The following RASSF3 variants were observed in gnomAD, a reference collection of about 807,000 sequenced individuals.
The protein encoded by RASSF3 is Ras association domain family member 3, also known as ras association domain-containing protein 3.
Under a neutral mutation model 19.9 loss-of-function variants are expected in RASSF3, and 19 were observed. That is an observed-to-expected ratio of 0.96 (90% CI 0.67 to 1.40). RASSF3 has a LOEUF of 1.40. Among genes scored for constraint, RASSF3 ranks in the 40% most tolerant of loss-of-function variants. The pLI is 0.00. For missense variants in RASSF3, 306 were observed against 289.8 expected, an observed-to-expected ratio of 1.06 and a Z score of -0.41; for synonymous variants, 110 against 104.2, an observed-to-expected ratio of 1.06 and a Z score of -0.34.
intron 1 of RASSF3, among the ~76,000 whole-genome samples, chr12:64,676,467 C>CTTTTTTTTTTTTTTTTTTTTTTT (rs34917109): frequency 1.4e-5 from 1 of 69,772 alleles, no homozygotes; most frequent in Non-Finnish European, 2.6e-5. Context: ...CTGTGCCCAG[C>CTTTTTTTTTTTTTTTTTTTTTTT]TTTTTTTTTT....
At chr12:64,516,114 T>C (rs183970382) in intron 1 of RASSF3, among the ~76,000 whole-genome samples, 23 of 152,344 alleles carry the variant, frequency 1.5e-4, no homozygotes, top group African/African-American at 5.5e-4. Context: ...TTTTTAATCT[T>C]AGTAAATAGA....
chr12:64,512,759 G>A (rs1868336418), intron 1 of RASSF3, among the ~76,000 whole-genome samples: 1 of 152,172 alleles, frequency 6.6e-6, no homozygotes. Context: ...AGACAGTCTA[G>A]CCCCTTTTAT....
downstream of RASSF3, among the ~76,000 whole-genome samples, chr12:64,543,601 C>T (rs1004847496): frequency 6.9e-6 from 1 of 145,234 alleles, no homozygotes; most frequent in African/African-American, 2.5e-5. Flanking sequence ...TTCCATGGCA[C>T]CCGGTCCCAT....
At chr12:64,672,463 T>C (rs1398398399) in intron 1 of RASSF3, among the ~76,000 whole-genome samples, 1 of 152,168 alleles carries the variant, frequency 6.6e-6, no homozygotes, top group African/African-American at 2.4e-5. Flanking sequence ...TAACCTCAGA[T>C]GTTCCACCCA....
intron 1 of RASSF3, among the ~76,000 whole-genome samples, chr12:64,657,660 C>T (rs548740860): frequency 3.9e-5 from 6 of 152,210 alleles, no homozygotes; most frequent in South Asian, 4.1e-4. Context: ...ACCAGTCACC[C>T]ATGGAGCATC....
At chr12:64,544,617 C>CAAA (rs11311480), downstream of RASSF3, among the ~76,000 whole-genome samples, 1 of 142,086 alleles carries the variant, frequency 7.0e-6, no homozygotes, top group Non-Finnish European at 1.5e-5. Flanking sequence ...GACCCTGTCT[C>CAAA]AAAAAAAAAA....
intron 1 of RASSF3, among the ~76,000 whole-genome samples, chr12:64,646,647 C>T (rs1486307937): frequency 6.6e-6 from 1 of 152,186 alleles, no homozygotes; most frequent in Non-Finnish European, 1.5e-5. Context: ...TGTTCTTCTT[C>T]TCCCCTCTTA....
chr12:64,677,210 C>G (rs903143202), intron 1 of RASSF3, among the ~76,000 whole-genome samples: 23 of 152,178 alleles, frequency 1.5e-4, no homozygotes, highest in Admixed American at 3.9e-4. Flanking sequence ...AAATTCAGTT[C>G]TCATTTCCAG....
At chr12:64,673,341 T>C (rs1349193434) in intron 1 of RASSF3, among the ~76,000 whole-genome samples, 1 of 152,236 alleles carries the variant, frequency 6.6e-6, no homozygotes, top group African/African-American at 2.4e-5. Context: ...TCCTGGCTTC[T>C]TGGCAATCGT....
At chr12:64,619,360 A>C (rs1325645812) in intron 1 of RASSF3, among the ~76,000 whole-genome samples, 1 of 151,848 alleles carries the variant, frequency 6.6e-6, no homozygotes, top group Non-Finnish European at 1.5e-5. Flanking sequence ...CAATAAGATA[A>C]AACTGACCTA....
intron 1 of RASSF3, chr12:64,611,663 A>G (rs916474072): frequency 2.0e-5 from 3 of 152,240 alleles, no homozygotes; most frequent in Admixed American, 6.5e-5. Context: ...TAATGGCACA[A>G]ATTTGTTGCT....
intron 2 of RASSF3, among the ~76,000 whole-genome samples, chr12:64,593,815 C>T (rs1869959132): frequency 6.6e-6 from 1 of 151,914 alleles, no homozygotes; most frequent in South Asian, 2.1e-4. Context: ...AGTTCAAGAC[C>T]AGCCTGGCCA....
At chr12:64,684,447 T>TTTTTTA (rs1873264281) in intron 1 of RASSF3, among the ~76,000 whole-genome samples, 3 of 149,828 alleles carry the variant, frequency 2.0e-5, no homozygotes, top group Admixed American at 6.6e-5. Flanking sequence ...TTTTTTTTTT[T>TTTTTTA]GAGACAGAGT....
exon 2 of RASSF3, chr12:64,541,624 T>C: frequency 5.0e-6 from 2 of 398,598 alleles, no homozygotes; most frequent in Non-Finnish European, 8.8e-6. Context: ...ACCTGGTACA[T>C]CTGGATTATC....
At chr12:64,634,947 T>TTTTTCTTTTC (rs551686050) in intron 1 of RASSF3, among the ~76,000 whole-genome samples, 1 of 147,148 alleles carries the variant, frequency 6.8e-6, no homozygotes, top group African/African-American at 2.5e-5. Context: ...TAGTTTCTTC[T>TTTTTCTTTTC]TTTTCTTTTC....
intron 1 of RASSF3, among the ~76,000 whole-genome samples, chr12:64,641,398 AGG>A (rs1871512361): frequency 6.9e-6 from 1 of 145,050 alleles, no homozygotes. Flanking sequence ...CCTGTCTCAC[AGG>A]CGCACACACA....
At chr12:64,519,510 G>A (rs962002423) in intron 1 of RASSF3, among the ~76,000 whole-genome samples, 3 of 152,056 alleles carry the variant, frequency 2.0e-5, no homozygotes, top group African/African-American at 4.8e-5. Flanking sequence ...CATGAGGGTC[G>A]ATATGTCGTT....
intron 2 of RASSF3, among the ~76,000 whole-genome samples, chr12:64,557,067 C>A (rs1264887543): frequency 1.3e-5 from 2 of 151,986 alleles, no homozygotes; most frequent in African/African-American, 4.8e-5. Flanking sequence ...GACCTCCTGA[C>A]CTCAGGTGAT....
At chr12:64,514,536 G>A (rs1868349304) in intron 1 of RASSF3, among the ~76,000 whole-genome samples, 1 of 152,058 alleles carries the variant, frequency 6.6e-6, no homozygotes, top group Non-Finnish European at 1.5e-5. Flanking sequence ...TGCAAAGCAG[G>A]GCTGTGTGGG....
Sources: gnomAD v4.1 joint callset for allele counts (sites outside exome capture counted in the v4.1 genomes callset) on GRCh38, gnomAD v4.1.1 for gene constraint, MANE v1.5 for transcripts, NCBI Gene and HGNC (gene_info 2026-07-23, HGNC 2026-07-21) for gene names.